NOX4: variants seen among roughly 807,000 people sequenced by gnomAD.
NOX4 encodes kidney oxidase-1.
Under a neutral mutation model 87.6 loss-of-function variants are expected in NOX4, and 69 were observed. The observed-to-expected ratio is 0.79, with a 90% confidence interval of 0.65 to 0.96. NOX4 has a LOEUF of 0.96. NOX4 is among the 40% of genes least tolerant of loss of function. The pLI, the probability that NOX4 is intolerant of heterozygous loss-of-function variation, is 0.00. For missense variants in NOX4, 680 were observed against 681.5 expected, an observed-to-expected ratio of 1.00 and a Z score of 0.02; for synonymous variants, 275 against 238.2, an observed-to-expected ratio of 1.15 and a Z score of -1.42.
chr11:89,506,297 A>AAAG, the NOX4 span, among the ~76,000 whole-genome samples: 25 of 144,968 alleles, frequency 1.7e-4, no homozygotes, highest in Middle Eastern at 3.9e-3. Flanking sequence ...GAAAGAAAGA[A>AAAG]AGAAAGAGAG....
intron 17 of NOX4, among the ~76,000 whole-genome samples, chr11:89,334,592 T>A (rs1341412146): frequency 1.3e-5 from 2 of 151,756 alleles, no homozygotes; most frequent in African/African-American, 4.8e-5. Flanking sequence ...TTTCCTAAAT[T>A]GGATTTTTTA....
At chr11:89,542,119 T>G in the NOX4 span, among the ~76,000 whole-genome samples, 1 of 152,168 alleles carries the variant, frequency 6.6e-6, no homozygotes, top group Admixed American at 6.5e-5. Flanking sequence ...GCCAAACTAC[T>G]GTTTAACACC....
At chr11:89,415,599 A>G (rs1227969924) in intron 8 of NOX4, among the ~76,000 whole-genome samples, 1 of 152,134 alleles carries the variant, frequency 6.6e-6, no homozygotes, top group Non-Finnish European at 1.5e-5. Context: ...AAACTTATAC[A>G]TAAATATGCA....
intron 2 of NOX4, among the ~76,000 whole-genome samples, chr11:89,469,695 C>T (rs1050363871): frequency 2.0e-5 from 3 of 152,200 alleles, no homozygotes; most frequent in African/African-American, 7.2e-5. Flanking sequence ...CTCCCCAGAA[C>T]AGAGTTGCAA....
At chr11:89,422,992 G>A (rs1017572884) in intron 7 of NOX4, among the ~76,000 whole-genome samples, 2 of 151,812 alleles carry the variant, frequency 1.3e-5, no homozygotes, top group African/African-American at 4.8e-5. Flanking sequence ...TAGAGATGGG[G>A]TTTCACCATG....
At chr11:89,474,952 T>C (rs1489448571) in intron 2 of NOX4, among the ~76,000 whole-genome samples, 1 of 148,950 alleles carries the variant, frequency 6.7e-6, no homozygotes, top group Non-Finnish European at 1.5e-5. Flanking sequence ...TACACAATGA[T>C]GTTTTTCATT....
chr11:89,525,071 G>A, the NOX4 span, among the ~76,000 whole-genome samples: 2 of 151,948 alleles, frequency 1.3e-5, no homozygotes, highest in South Asian at 2.1e-4. Flanking sequence ...TGAATATAAT[G>A]CATGATTAAA....
intron 9 of NOX4, among the ~76,000 whole-genome samples, chr11:89,400,988 G>A (rs1264215843): frequency 1.3e-5 from 2 of 152,012 alleles, no homozygotes; most frequent in Non-Finnish European, 2.9e-5. Flanking sequence ...TGACAGTTTT[G>A]AATATGTGTT....
At chr11:89,432,005 G>A (rs1254192377) in intron 7 of NOX4, among the ~76,000 whole-genome samples, 1 of 152,136 alleles carries the variant, frequency 6.6e-6, no homozygotes, top group African/African-American at 2.4e-5. Flanking sequence ...TATACACCAT[G>A]GATTACTATG....
chr11:89,493,767 T>TATTTG (rs1284891429), upstream of NOX4, among the ~76,000 whole-genome samples: 1 of 149,592 alleles, frequency 6.7e-6, no homozygotes, highest in African/African-American at 2.4e-5. Flanking sequence ...ATTATTATTT[T>TATTTG]AGATGGAGTT....
chr11:89,344,442 AG>A (rs1046015334), intron 13 of NOX4, among the ~76,000 whole-genome samples: 35 of 152,194 alleles, frequency 2.3e-4, no homozygotes, highest in African/African-American at 7.7e-4. Flanking sequence ...CCCAGGTACT[AG>A]GGAGGCTGAG....
At chr11:89,438,868 T>TA (rs1565293850) in intron 6 of NOX4, among the ~76,000 whole-genome samples, 4 of 8,492 alleles carry the variant, frequency 4.7e-4, no homozygotes, top group South Asian at 2.2e-3. Context: ...TTATATATTA[T>TA]ATATATAATA....
At chr11:89,349,974 C>G (rs892229113) in intron 13 of NOX4, among the ~76,000 whole-genome samples, 8 of 152,126 alleles carry the variant, frequency 5.3e-5, no homozygotes, top group Admixed American at 2.6e-4. Context: ...AGCAATAAAA[C>G]TTGTTTTTTA....
intron 6 of NOX4, among the ~76,000 whole-genome samples, 184 bp from the exon 7 acceptor site, chr11:89,433,040 G>A (rs1213483417): frequency 1.3e-5 from 2 of 152,032 alleles, no homozygotes; most frequent in South Asian, 2.1e-4. Context: ...ATTAATTTTT[G>A]ATTGACAGAT....
chr11:89,530,829 G>C, the NOX4 span, among the ~76,000 whole-genome samples: 1 of 152,096 alleles, frequency 6.6e-6, no homozygotes. Flanking sequence ...ATAAATAAAA[G>C]TAAGGGAAAT....
chr11:89,526,899 G>T, the NOX4 span, among the ~76,000 whole-genome samples: 1 of 152,200 alleles, frequency 6.6e-6, no homozygotes, highest in Admixed American at 6.5e-5. Flanking sequence ...GACTTTGGAA[G>T]TGTGTAACAG....
the NOX4 span, among the ~76,000 whole-genome samples, chr11:89,534,838 G>C: frequency 1.3e-5 from 2 of 152,118 alleles, no homozygotes; most frequent in African/African-American, 4.8e-5. Flanking sequence ...CAGTCTTTTG[G>C]TTTTACTGTT....
At chr11:89,355,136 T>TA (rs1368044845) in intron 12 of NOX4, 93 bp from the exon 13 acceptor site, 1 of 952,994 alleles carries the variant, frequency 1.0e-6, no homozygotes, top group Non-Finnish European at 1.6e-6. Flanking sequence ...TTTATTTTGT[T>TA]AGACATTTTG....
intron 6 of NOX4, among the ~76,000 whole-genome samples, chr11:89,440,262 T>C (rs1944399081): frequency 1.3e-5 from 2 of 152,204 alleles, no homozygotes; most frequent in South Asian, 4.1e-4. Flanking sequence ...TATGTTATAT[T>C]TGTAACATAT....
Sources: allele counts gnomAD v4.1 joint callset (sites outside exome capture counted in the v4.1 genomes callset), GRCh38; gene constraint gnomAD v4.1.1; transcripts MANE v1.5; gene names NCBI Gene and HGNC (gene_info 2026-07-23, HGNC 2026-07-21).